Variants in GRAMD2B observed in about 807,000 individuals in gnomAD.
GRAMD2B encodes GRAM domain-containing protein 2B.
In GRAMD2B, 41 loss-of-function variants were observed where a neutral mutation model predicts 59.2. The observed-to-expected ratio is 0.69, with a 90% confidence interval of 0.54 to 0.90. The LOEUF (loss-of-function observed/expected upper bound fraction) is 0.90, where lower values mean the gene tolerates loss of function less well. Ranked by LOEUF, GRAMD2B falls within the 40% of genes least tolerant of loss-of-function variation. The pLI is 0.00. For missense variants in GRAMD2B, 424 were observed against 500.5 expected, an observed-to-expected ratio of 0.85 and a Z score of 1.46; for synonymous variants, 161 against 182.7, an observed-to-expected ratio of 0.88 and a Z score of 0.96.
At chr5:126,486,816 T>A in intron 11 of GRAMD2B, 57 bp from the exon 12 acceptor site, 1 of 1,070,850 alleles carries the variant, frequency 9.3e-7, no homozygotes, top group Non-Finnish European at 1.4e-6. Flanking sequence ...AGTTGTTTTA[T>A]GAACATCAGA....
Position 126,488,840 on chromosome 5 carries a change from A to T in GRAMD2B, c.1205A>T (p.Asn402Ile). ...PSGLRSQVQFNVEVLCQELTA... is the reference protein window; with the variant it reads ...PSGLRSQVQFIVEVLCQELTA... The stretch of plus-strand genomic sequence containing the variant: ...GGCCTGAGGTCACAAGTACAATTCA[A>T]TGTGGAGGTTCTCTGTCAAGAGCTT... The change falls in exon 13 of 14, where the codon AAT (asparagine) becomes ATT (isoleucine). Residue 402 changes from asparagine to isoleucine, a missense_variant. Asn to Ile is a moderately radical substitution (Grantham distance 149, BLOSUM62 -3). Transcript: ENST00000285689. 1 of 1,613,906 alleles carries T rather than the reference A, an allele frequency of 6.2e-7. No homozygotes were observed. The highest frequency in any genetic ancestry group is 8.5e-7 in the Non-Finnish European group (1 of 1,179,846).
At chr5:126,392,263 T>G (rs1756881667) in intron 1 of GRAMD2B, among the ~76,000 whole-genome samples, 1 of 152,182 alleles carries the variant, frequency 6.6e-6, no homozygotes, top group South Asian at 2.1e-4. Flanking sequence ...CTCACCATTA[T>G]TCGACTCATG....
At chr5:126,456,923 T>C (rs1208486290) in intron 1 of GRAMD2B, among the ~76,000 whole-genome samples, 1 of 152,206 alleles carries the variant, frequency 6.6e-6, no homozygotes, top group Non-Finnish European at 1.5e-5. Context: ...CCGGACACAG[T>C]GGCTCACGCC....
chr5:126,481,956 A>G (rs1471396169), intron 8 of GRAMD2B, among the ~76,000 whole-genome samples: 2 of 138,566 alleles, frequency 1.4e-5, no homozygotes, highest in African/African-American at 5.6e-5. Flanking sequence ...AGACAGTGCA[A>G]TGAGACTCCA....
At chr5:126,481,970 CA>C (rs34641412) in intron 8 of GRAMD2B, among the ~76,000 whole-genome samples, 33,800 of 97,882 alleles carry the variant, frequency 0.35, 3,951 homozygotes, top group Middle Eastern at 0.37. Context: ...GACTCCATCT[CA>C]AAAAAAAAAA....
Position 126,423,587 on chromosome 5 carries a change from G to A in GRAMD2B, c.-20G>A. The A allele has an allele frequency of 6.2e-7, 1 of 1,608,228 alleles. No homozygotes were observed. The highest frequency in any genetic ancestry group is 8.5e-7 in the Non-Finnish European group (1 of 1,177,774). ...GCCAGGCGCGCGGAAGTCTGAAGGT[G>A]CCCTCCAGACACGGCCCCGATGACT... On this transcript the variant is annotated 5_prime_UTR_variant, in exon 1 of 14. Coordinates refer to ENST00000285689, the MANE Select transcript of GRAMD2B (RefSeq NM_023927.4).
chr5:126,484,385 CT>C lies in GRAMD2B; in HGVS notation c.848-16del. The C allele has an allele frequency of 6.2e-7, 1 of 1,610,636 alleles. No individual in the cohort carries two copies. Among genetic ancestry groups the C allele is most frequent in the Non-Finnish European group, 8.5e-7 (1 of 1,178,958 alleles). On this transcript the variant is annotated splice_polypyrimidine_tract_variant and intron_variant, in intron 9 of 13. Coordinates refer to ENST00000285689, the MANE Select transcript of GRAMD2B (RefSeq NM_023927.4). Reference sequence around the variant, plus strand: ...CATTGGAGAGAACACTTACCCAGCTCTGTTTTGGCTTAGTAGATTTCCATGC... The same window carrying C: ...CATTGGAGAGAACACTTACCCAGCTCGTTTTGGCTTAGTAGATTTCCATGC...
intron 1 of GRAMD2B, among the ~76,000 whole-genome samples, chr5:126,365,063 T>A (rs960917705): frequency 4.6e-5 from 7 of 152,246 alleles, no homozygotes; most frequent in Admixed American, 3.9e-4. Context: ...ATTTTGATGA[T>A]GATAAAATGT....
chr5:126,407,264 T>C (rs896270643), intron 1 of GRAMD2B, among the ~76,000 whole-genome samples: 2 of 151,978 alleles, frequency 1.3e-5, no homozygotes, highest in Non-Finnish European at 2.9e-5. Flanking sequence ...TAGTATAGAT[T>C]GGCTATCAAC....
chr5:126,492,255 G>C (rs769559085), intron 13 of GRAMD2B, among the ~76,000 whole-genome samples: 3 of 152,106 alleles, frequency 2.0e-5, no homozygotes, highest in Non-Finnish European at 2.9e-5. Flanking sequence ...ACCATCAAAT[G>C]GGTTGTGTAA....
chr5:126,460,440 A>C (rs1184263876), intron 1 of GRAMD2B, among the ~76,000 whole-genome samples: 1 of 152,264 alleles, frequency 6.6e-6, no homozygotes, highest in Non-Finnish European at 1.5e-5. Context: ...TAAATGGAAG[A>C]TCATTCTTCT....
chr5:126,426,826 C>A (rs190035483), intron 1 of GRAMD2B, among the ~76,000 whole-genome samples: 1 of 152,116 alleles, frequency 6.6e-6, no homozygotes, highest in Non-Finnish European at 1.5e-5. Flanking sequence ...TTTACTTGCC[C>A]GAGAGCTGTG....
upstream of GRAMD2B, among the ~76,000 whole-genome samples, chr5:126,368,560 G>C (rs1475584503): frequency 6.6e-6 from 1 of 152,188 alleles, no homozygotes; most frequent in Admixed American, 6.5e-5. Context: ...GACAGGTTTA[G>C]GATGCCTCCT....
chr5:126,476,563 T>C (rs1434639299), intron 5 of GRAMD2B, among the ~76,000 whole-genome samples: 1 of 152,200 alleles, frequency 6.6e-6, no homozygotes, highest in Non-Finnish European at 1.5e-5. Flanking sequence ...TAGCACATTG[T>C]ATTGAAAAGA....
intron 1 of GRAMD2B, among the ~76,000 whole-genome samples, chr5:126,384,367 T>G (rs760464337): frequency 2.0e-5 from 3 of 152,228 alleles, no homozygotes; most frequent in Non-Finnish European, 4.4e-5. Flanking sequence ...ATTGCTGTGT[T>G]TAGATCTAGA....
At chr5:126,442,178 C>T (rs1330445463) in intron 1 of GRAMD2B, among the ~76,000 whole-genome samples, 1 of 151,634 alleles carries the variant, frequency 6.6e-6, no homozygotes, top group Admixed American at 6.6e-5. Context: ...GCACATTCAC[C>T]CACTAACTCC....
intron 1 of GRAMD2B, among the ~76,000 whole-genome samples, chr5:126,433,103 T>G (rs1761850104): frequency 6.6e-6 from 1 of 152,206 alleles, no homozygotes; most frequent in Non-Finnish European, 1.5e-5. Context: ...TGTTTTGAGA[T>G]TCGATCTTCT....
intron 1 of GRAMD2B, among the ~76,000 whole-genome samples, chr5:126,452,501 T>C (rs7736235): frequency 0.32 from 48,967 of 152,038 alleles, 8,234 homozygotes; most frequent in East Asian, 0.6. Flanking sequence ...TTCTCCTGAG[T>C]ATCAGGTTCA....
At chr5:126,417,862 T>G (rs1217271790) in intron 1 of GRAMD2B, among the ~76,000 whole-genome samples, 2 of 150,394 alleles carry the variant, frequency 1.3e-5, no homozygotes, top group African/African-American at 4.8e-5. Context: ...AGTACCCCCC[T>G]GCAAGTCTGG....
Sources: allele counts gnomAD v4.1 joint callset (sites outside exome capture counted in the v4.1 genomes callset), GRCh38; gene constraint gnomAD v4.1.1; transcripts MANE v1.5; gene names NCBI Gene and HGNC (gene_info 2026-07-23, HGNC 2026-07-21).